GSDME: variants seen among roughly 807,000 people sequenced by gnomAD.
The protein encoded by GSDME is gasdermin E.
Under a neutral mutation model 47.5 loss-of-function variants are expected in GSDME, and 44 were observed. The ratio of observed to expected loss-of-function variants is 0.93; its 90% confidence interval spans 0.73 to 1.19. GSDME has a LOEUF of 1.19. Among genes scored for constraint, GSDME ranks in the 50% most tolerant of loss-of-function variants. The probability of loss-of-function intolerance (pLI) is 0.00; values close to 1 mark genes in which losing one functional copy is unlikely to be tolerated. For synonymous variants in GSDME, 258 were observed against 252.8 expected (o/e 1.02, Z -0.20); for missense variants, 663 against 604.2 (o/e 1.10, Z -1.02).
chr7:24,781,773 T>A, the GSDME span, among the ~76,000 whole-genome samples: 1 of 152,134 alleles, frequency 6.6e-6, no homozygotes, highest in African/African-American at 2.4e-5. Context: ...GGACAAGGTT[T>A]CACTCTGTTG....
Position 24,749,706 on chromosome 7 carries a change from T to A in GSDME, c.69A>T (p.Ser23=). ...GTAACTTATCAGAGTCATTCAGATT[T>A]GATACTGCAATCAGGTCACCATCAG... ...VDADGDLIAV[S]NLNDSDKLQL... Residue 23 remains serine (S), a synonymous_variant, in exon 2 of 10, where the codon TCA becomes TCT. Coordinates refer to ENST00000645220, the MANE Select transcript of GSDME (RefSeq NM_001127453.2). 1 of 1,614,188 alleles carries A rather than the reference T, an allele frequency of 6.2e-7. No individual in the cohort carries two copies. Among genetic ancestry groups the A allele is most frequent in the Non-Finnish European group, 8.5e-7 (1 of 1,180,028 alleles).
chr7:24,706,131 C>A lies in GSDME; in HGVS notation c.1183+53G>T, dbSNP rs539769259. 4.6e-5 allele frequency: 74 copies of A among 1,603,550 alleles called. No homozygotes were observed. The African/African-American group carries it at 8.7e-4, about 19-fold the overall frequency. Reference sequence around the variant, plus strand: ...TGTCCCCAGAAGCATAGATAGTAGGCAAAGCATTTTAAAGCAGCAGCAGCC... The same window carrying A: ...TGTCCCCAGAAGCATAGATAGTAGGAAAAGCATTTTAAAGCAGCAGCAGCC... On this transcript the variant is annotated intron_variant, in intron 8 of 9. Coordinates refer to ENST00000645220, the MANE Select transcript of GSDME (RefSeq NM_001127453.2).
rs62449822 is a variant in GSDME, at chr7:24,728,336, G to A, written c.405-9118C>T. On this transcript the variant is annotated intron_variant, in intron 3 of 9. Coordinates refer to ENST00000645220, the MANE Select transcript of GSDME (RefSeq NM_001127453.2). This position sits in a 1 kb window ranked among gnomAD's most constrained non-coding sequence, Gnocchi z 7.2. ...AGAGCCACCGAACTGACCTTCTGCC[G>A]TTAACCATTCAGTCAACCGGGACGC... Among the ~76,000 whole-genome samples, 16,376 of 152,220 alleles carry A rather than the reference G, an allele frequency of 0.11. 1,245 individuals carry two copies. The highest frequency in any genetic ancestry group is 0.16 in the Non-Finnish European group (11,042 of 68,000).
rs1260950942 is a variant in GSDME at position 24,716,532 on chromosome 7, A to C, written c.697+722T>G. The C allele has an allele frequency of 6.5e-6, 1 of 153,518 alleles. No homozygotes were observed. The highest frequency in any genetic ancestry group is 2.1e-4 in the South Asian group (1 of 4,874). The allele number at this position is 153,518 out of a possible 1,614,324, so 9.5% of individuals were successfully genotyped here. ...TCACACAGCTTTCATGAGTGAACACAACCTCTTCTCATTGGGAACATGAGG... is the reference window on the plus strand; with the variant it reads ...TCACACAGCTTTCATGAGTGAACACCACCTCTTCTCATTGGGAACATGAGG... On this transcript the variant is annotated intron_variant, in intron 5 of 9. Coordinates refer to ENST00000645220, the MANE Select transcript of GSDME (RefSeq NM_001127453.2). This position sits in a 1 kb window ranked among gnomAD's most constrained non-coding sequence, Gnocchi z 4.5.
At chr7:24,711,890 A>C (rs564832399) in intron 5 of GSDME, among the ~76,000 whole-genome samples, 4 of 152,014 alleles carry the variant, frequency 2.6e-5, no homozygotes, top group Non-Finnish European at 4.4e-5. Context: ...TAAGGTATCT[A>C]AGGTGTAGAT....
chr7:24,702,703 C>A (rs753293010), intron 9 of GSDME, 57 bp downstream of exon 9: 2 of 1,433,228 alleles, frequency 1.4e-6, no homozygotes, highest in African/African-American at 1.4e-5. Context: ...GATGTCTACC[C>A]CCTCATCATT....
rs553641247 is a variant in GSDME, at chr7:24,731,376, C to A, written c.405-12158G>T. On this transcript the variant is annotated intron_variant, in intron 3 of 9. Transcript: ENST00000645220. ...GGGTTGCATGCAAGAACCAGAGCCC[C>A]GCCGACTTTCACTGGAGGTGGTCAG... is the stretch of plus-strand genomic sequence containing the variant. Among the ~76,000 whole-genome samples, 36 of 152,366 alleles carry A rather than the reference C, an allele frequency of 2.4e-4. 1 individual carries two copies. Among genetic ancestry groups the A allele is most frequent in the African/African-American group, 8.7e-4 (36 of 41,578 alleles).
upstream of GSDME, among the ~76,000 whole-genome samples, chr7:24,761,119 TG>T (rs1383676995): frequency 6.6e-6 from 1 of 152,240 alleles, no homozygotes; most frequent in Non-Finnish European, 1.5e-5. This position sits in a 1 kb window ranked among gnomAD's most constrained non-coding sequence, Gnocchi z 4.4. Context: ...CTCACAATTT[TG>T]TAGGTTAGGG....
intron 2 of GSDME, among the ~76,000 whole-genome samples, chr7:24,747,256 G>A (rs1488080905): frequency 6.6e-6 from 1 of 152,192 alleles, no homozygotes; most frequent in Non-Finnish European, 1.5e-5. Flanking sequence ...GAAGGGGAGG[G>A]TGATGTAAAA....
In GSDME at chr7:24,721,347, T is replaced by C. The variant is rs184913303; in HGVS notation, c.405-2129A>G. On this transcript the variant is annotated intron_variant, in intron 3 of 9. Coordinates refer to ENST00000645220, the MANE Select transcript of GSDME (RefSeq NM_001127453.2). This position sits in a 1 kb window ranked among gnomAD's most constrained non-coding sequence, Gnocchi z 4.1. ...AATTATAAAAATGTCTCACACGTGATAAAAATACATTGATGACAACCACAA... is the reference window on the plus strand; with the variant it reads ...AATTATAAAAATGTCTCACACGTGACAAAAATACATTGATGACAACCACAA... Among the ~76,000 whole-genome samples, 4 of 152,300 alleles carry C rather than the reference T, an allele frequency of 2.6e-5. No individual in the cohort carries two copies. The highest frequency in any genetic ancestry group is 6.5e-5 in the Admixed American group (1 of 15,304).
intron 9 of GSDME, among the ~76,000 whole-genome samples, chr7:24,701,403 T>C (rs1584041327): frequency 6.6e-6 from 1 of 152,116 alleles, no homozygotes; most frequent in African/African-American, 2.4e-5. Flanking sequence ...AACTTGGGGG[T>C]AATACAAATG....
At chr7:24,720,134 G>C (rs1789721725) in intron 3 of GSDME, among the ~76,000 whole-genome samples, 1 of 152,222 alleles carries the variant, frequency 6.6e-6, no homozygotes, top group Admixed American at 6.5e-5. Context: ...GGCCTATCCA[G>C]AGTCACTCAG....
intron 7 of GSDME, chr7:24,707,373 C>G (rs1168138018): frequency 2.1e-6 from 1 of 471,344 alleles, no homozygotes; most frequent in African/African-American, 2.0e-5. Flanking sequence ...GTGGCTCTCA[C>G]CATTTGTACA....
chr7:24,725,860 G>C lies in GSDME; in HGVS notation c.405-6642C>G, dbSNP rs1418780266. Among the ~76,000 whole-genome samples, 1 of 152,144 alleles carries C rather than the reference G, an allele frequency of 6.6e-6. No homozygotes were observed. Among genetic ancestry groups the C allele is most frequent in the Non-Finnish European group, 1.5e-5 (1 of 68,034 alleles). ...GCAGAAATTGGGCATAAGACAATAT[G>C]AGGGGTGGTCCCCTCCCTTAAGGAA... On this transcript the variant is annotated intron_variant, in intron 3 of 9. Transcript: ENST00000645220. The surrounding 1 kb of genome is among the most constrained non-coding windows in gnomAD (Gnocchi z 5.1).
chr7:24,721,979 A>G lies in GSDME; in HGVS notation c.405-2761T>C, dbSNP rs186706989. The stretch of plus-strand genomic sequence containing the variant: ...TCGGGGAAGCATTCCCTGCACCCCC[A>G]TCATGCTATCACACCCTAAGATCAC... On this transcript the variant is annotated intron_variant, in intron 3 of 9. Transcript: ENST00000645220. The surrounding 1 kb of genome is among the most constrained non-coding windows in gnomAD (Gnocchi z 4.1). 4.8e-3 allele frequency among the ~76,000 whole-genome samples: 726 copies of G among 152,306 alleles called. 27 individuals are homozygous for G. The highest frequency in any genetic ancestry group is 0.043 in the Admixed American group (665 of 15,294).
At chr7:24,751,263 G>A (rs1168390776) in intron 1 of GSDME, among the ~76,000 whole-genome samples, 1 of 150,862 alleles carries the variant, frequency 6.6e-6, no homozygotes, top group Non-Finnish European at 1.5e-5. Flanking sequence ...ATACACGCAT[G>A]TATAATAAGT....
chr7:24,795,393 T>A, the GSDME span, among the ~76,000 whole-genome samples: 1 of 151,726 alleles, frequency 6.6e-6, no homozygotes, highest in Non-Finnish European at 1.5e-5. Flanking sequence ...AGACACCGAG[T>A]TGAGGAAGGA....
intron 9 of GSDME, among the ~76,000 whole-genome samples, chr7:24,701,488 T>TAAAAAG (rs1209910743): frequency 3.3e-5 from 5 of 152,018 alleles, no homozygotes; most frequent in Non-Finnish European, 7.4e-5. Context: ...AACAGTTAGA[T>TAAAAAG]AACATGGGCT....
Position 24,726,678 on chromosome 7 carries a change from C to T in GSDME, c.405-7460G>A, listed in dbSNP as rs1368961563. On this transcript the variant is annotated intron_variant, in intron 3 of 9. Coordinates refer to ENST00000645220, the MANE Select transcript of GSDME (RefSeq NM_001127453.2). This position sits in a 1 kb window ranked among gnomAD's most constrained non-coding sequence, Gnocchi z 5.6. ...CTCTACTAAAAATACAAAAAATCAG[C>T]CCGGCATAGTCCTGGCTACTCGGGA... 6.6e-6 allele frequency among the ~76,000 whole-genome samples: 1 copy of T among 152,038 alleles called. No homozygotes were observed.
Sources: allele counts gnomAD v4.1 joint callset (sites outside exome capture counted in the v4.1 genomes callset), GRCh38; gene constraint gnomAD v4.1.1; non-coding constraint Gnocchi (gnomAD v3.1); transcripts MANE v1.5; gene names NCBI Gene and HGNC (gene_info 2026-07-23, HGNC 2026-07-21).